NSMAF: variants seen among roughly 807,000 people sequenced by gnomAD.
The protein encoded by NSMAF is protein FAN.
NSMAF carries 90 observed loss-of-function variants against 134.9 expected under a neutral mutation model. The ratio of observed to expected loss-of-function variants is 0.67; its 90% confidence interval spans 0.56 to 0.79. The LOEUF is 0.79. NSMAF is among the 30% of genes least tolerant of loss of function. The probability of loss-of-function intolerance (pLI) is 0.00; values close to 1 mark genes in which losing one functional copy is unlikely to be tolerated. For missense variants in NSMAF, 1,010 were observed against 1,119.0 expected (o/e 0.90, Z 1.39); for synonymous variants, 358 against 389.6 (o/e 0.92, Z 0.96).
At chr8:58,601,598 G>C in intron 14 of NSMAF, 63 bp from the exon 15 acceptor site, 1 of 1,530,664 alleles carries the variant, frequency 6.5e-7, no homozygotes, top group Non-Finnish European at 8.7e-7. Flanking sequence ...TAACTGACAA[G>C]TAGAAAAAGC....
At chr8:58,590,203 C>G in intron 24 of NSMAF, 129 bp from the exon 25 acceptor site, 1 of 751,132 alleles carries the variant, frequency 1.3e-6, no homozygotes, top group South Asian at 1.7e-5. Flanking sequence ...CTCCTATTTA[C>G]GCAGATTTTC....
chr8:58,609,577 C>G (rs773010438), intron 10 of NSMAF, 27 bp downstream of exon 10: 1 of 1,612,970 alleles, frequency 6.2e-7, no homozygotes, highest in South Asian at 1.1e-5. Context: ...ATGGGCAGCT[C>G]CCCACCTGAC....
At chr8:58,588,975 C>A (rs1025126517) in intron 26 of NSMAF, among the ~76,000 whole-genome samples, 8 of 151,684 alleles carry the variant, frequency 5.3e-5, no homozygotes, top group Non-Finnish European at 1.0e-4. Context: ...GGCTATAATT[C>A]CCACTACTGC....
intron 9 of NSMAF, among the ~76,000 whole-genome samples, chr8:58,619,415 A>C (rs1806733032): frequency 6.6e-6 from 1 of 152,216 alleles, no homozygotes; most frequent in African/African-American, 2.4e-5. Flanking sequence ...TCCATAAATA[A>C]ATGAACCTAT....
chr8:58,645,051 G>A (rs1345386985), intron 1 of NSMAF, among the ~76,000 whole-genome samples: 7 of 151,116 alleles, frequency 4.6e-5, no homozygotes, highest in African/African-American at 7.3e-5. Flanking sequence ...ACCATGGCAC[G>A]TGTATACCTA....
intron 21 of NSMAF, 189 bp from the exon 22 acceptor site, chr8:58,595,848 A>G (rs1806126720): frequency 1.9e-6 from 1 of 514,226 alleles, no homozygotes; most frequent in Admixed American, 3.2e-5. Context: ...ATAGAGAAAG[A>G]TAAAAAGTAT....
chr8:58,641,568 T>C (rs1807339261), intron 2 of NSMAF, among the ~76,000 whole-genome samples: 1 of 152,252 alleles, frequency 6.6e-6, no homozygotes, highest in South Asian at 2.1e-4. Context: ...GATCACTTCA[T>C]AGCATTACAA....
At chr8:58,599,647 A>G in intron 18 of NSMAF, 103 bp downstream of exon 18, 1 of 1,308,526 alleles carries the variant, frequency 7.6e-7, no homozygotes, top group South Asian at 1.4e-5. Context: ...TATTTAGAGA[A>G]TTATATTGTG....
At chr8:58,588,668 C>T (rs1207680376) in intron 26 of NSMAF, 1 of 1,544,584 alleles carries the variant, frequency 6.5e-7, no homozygotes, top group Non-Finnish European at 8.8e-7. Context: ...ATGGCCTTGT[C>T]CTTGGGCATG....
intron 1 of NSMAF, chr8:58,659,182 G>C (rs974189485): frequency 7.6e-5 from 108 of 1,417,872 alleles, no homozygotes; most frequent in Non-Finnish European, 9.1e-5. Context: ...TGCCCGCCGG[G>C]CAGCGTACTC....
At chr8:58,601,715 G>A (rs1317136077) in intron 14 of NSMAF, among the ~76,000 whole-genome samples, 180 bp from the exon 15 acceptor site, 2 of 152,162 alleles carry the variant, frequency 1.3e-5, no homozygotes, top group East Asian at 3.8e-4. Flanking sequence ...CAGCATTCCT[G>A]AGACAAGTAT....
chr8:58,652,859 A>G (rs912901027), intron 1 of NSMAF, among the ~76,000 whole-genome samples: 8 of 152,246 alleles, frequency 5.3e-5, no homozygotes, highest in African/African-American at 1.7e-4. Flanking sequence ...GTGGTTTATC[A>G]TCATCCAACC....
In NSMAF at chr8:58,599,255, C is replaced by T. The variant is rs764765060; in HGVS notation, c.1562G>A (p.Ser521Asn). The change falls in exon 19 of 31, where the codon AGT becomes AAT. Residue 521 changes from serine to asparagine, a missense_variant. Coordinates refer to ENST00000038176, the MANE Select transcript of NSMAF (RefSeq NM_003580.4). ...DLIFGYKQKG[S>N]DAVGAHNVFH... is the part of the protein sequence containing the mutation. ...ACCATTATGGGCCCCAACTGCATCA[C>T]TCCCTTTTTGTTTGTAGCCAAATAT... The T allele has an allele frequency of 2.5e-6, 4 of 1,613,836 alleles. 1 individual carries two copies. Among genetic ancestry groups the T allele is most frequent in the Admixed American group, 3.3e-5 (2 of 60,008 alleles).
At chr8:58,640,472 T>C in intron 2 of NSMAF, among the ~76,000 whole-genome samples, 1 of 152,298 alleles carries the variant, frequency 6.6e-6, no homozygotes, top group East Asian at 1.9e-4. Context: ...TATCCAATTA[T>C]ATAAATACAT....
At chr8:58,591,089 G>T in intron 23 of NSMAF, 155 bp from the exon 24 acceptor site, 1 of 799,590 alleles carries the variant, frequency 1.3e-6, no homozygotes, top group Non-Finnish European at 1.8e-6. Context: ...AGAGCTAGAT[G>T]ACCTAAGGCC....
intron 9 of NSMAF, among the ~76,000 whole-genome samples, chr8:58,616,989 G>A (rs1806671251): frequency 6.6e-6 from 1 of 152,160 alleles, no homozygotes; most frequent in Admixed American, 6.5e-5. Context: ...CTAGGAATAT[G>A]TCCAACAAAA....
At chr8:58,635,413 G>A (rs771914561) in intron 3 of NSMAF, 41 bp from the exon 4 acceptor site, 1 of 1,573,128 alleles carries the variant, frequency 6.4e-7, no homozygotes. Flanking sequence ...ATCAAGAAAG[G>A]TAAGACATAC....
Position 58,603,343 on chromosome 8 carries a change from C to A in NSMAF, c.912G>T (p.Gln304His). ...AGTTGGAAAGGTGTCCACGCTGCCA[C>A]TGCAGCATGTAGCTCTCAGCAGTGT... ...AEHTAESYML[Q>H]WQRGHLSNYQ... The change falls in exon 13 of 31, where the codon CAG becomes CAT. Residue 304 changes from glutamine to histidine, a missense_variant. Transcript: ENST00000038176. 6.2e-7 allele frequency: 1 copy of A among 1,614,136 alleles called. No individual in the cohort carries two copies. Among genetic ancestry groups the A allele is most frequent in the Non-Finnish European group, 8.5e-7 (1 of 1,180,032 alleles).
At chr8:58,643,906 T>A (rs1016792532) in intron 1 of NSMAF, among the ~76,000 whole-genome samples, 1 of 152,198 alleles carries the variant, frequency 6.6e-6, no homozygotes, top group African/African-American at 2.4e-5. Context: ...GTAAAATGAG[T>A]AAACCAAACT....
Sources: allele counts gnomAD v4.1 joint callset (sites outside exome capture counted in the v4.1 genomes callset), GRCh38; gene constraint gnomAD v4.1.1; transcripts MANE v1.5; gene names NCBI Gene and HGNC (gene_info 2026-07-23, HGNC 2026-07-21).